Variants in CPNE5 observed in about 807,000 individuals in gnomAD.
CPNE5 encodes copine-5.
CPNE5 carries 42 observed loss-of-function variants against 81.1 expected under a neutral mutation model. The ratio of observed to expected loss-of-function variants is 0.52; its 90% CI spans 0.40 to 0.67. The LOEUF (loss-of-function observed/expected upper bound fraction) is 0.67. Among genes scored for constraint, CPNE5 ranks in the 30% least tolerant of loss-of-function variants. CPNE5 has a pLI of 0.00. For missense variants in CPNE5, 612 were observed against 815.5 expected (o/e 0.75, Z 3.04); for synonymous variants, 313 against 321.5 (o/e 0.97, Z 0.28).
intron 12 of CPNE5, among the ~76,000 whole-genome samples, chr6:36,757,895 G>A (rs1444094248): frequency 1.3e-5 from 2 of 152,150 alleles, no homozygotes; most frequent in East Asian, 3.8e-4. Context: ...ACCACAGGGT[G>A]GAAGAGTAAG....
chr6:36,822,296 A>G (rs1472600366), intron 2 of CPNE5, 136 bp from the exon 3 acceptor site: 19 of 587,280 alleles, frequency 3.2e-5, no homozygotes, highest in Middle Eastern at 5.8e-4. Flanking sequence ...GGGTAGGGGT[A>G]GAGGGTGTCT....
chr6:36,743,072 C>T, intron 20 of CPNE5: 1 of 985,406 alleles, frequency 1.0e-6, no homozygotes, highest in Non-Finnish European at 1.2e-6. Flanking sequence ...TATGTTTGGT[C>T]TCCACACCTG....
Position 36,745,454 on chromosome 6 carries a change from C to A in CPNE5, c.1262G>T (p.Arg421Leu), listed in dbSNP as rs369823408. Residue 421 changes from arginine (R) to leucine (L), a missense_variant, in exon 17 of 21, where the codon CGC becomes CTC. Arg to Leu is a moderately radical substitution (Grantham distance 102, BLOSUM62 -2). Transcript: ENST00000244751. ...GTACAGCTGCACAGTGCGCAGGCTG[C>A]GGTGGTAGGCCTCCAGGATGCCGTC... ...GIDGILEAYH[R>L]SLRTVQLYGP... The A allele has an allele frequency of 1.2e-6, 2 of 1,603,198 alleles. No individual in the cohort carries two copies. The highest frequency in any genetic ancestry group is 1.7e-6 in the Non-Finnish European group (2 of 1,175,624).
intron 8 of CPNE5, among the ~76,000 whole-genome samples, chr6:36,780,258 T>C (rs1173134327): frequency 6.6e-6 from 1 of 152,184 alleles, no homozygotes; most frequent in South Asian, 2.1e-4. Context: ...CCACTGCACC[T>C]GGCCCCCCCT....
At chr6:36,830,808 T>C (rs2150614678) in intron 1 of CPNE5, among the ~76,000 whole-genome samples, 1 of 152,234 alleles carries the variant, frequency 6.6e-6, no homozygotes, top group Non-Finnish European at 1.5e-5. Flanking sequence ...AACAGAAACG[T>C]AGGAAGCACA....
chr6:36,743,615 A>T (rs550924376), intron 20 of CPNE5, 74 bp downstream of exon 20: 1 of 1,446,974 alleles, frequency 6.9e-7, no homozygotes, highest in East Asian at 2.3e-5. Context: ...GGAAGCCCCC[A>T]AAGGGGGTGT....
Position 36,742,497 on chromosome 6 carries a change from G to T in CPNE5, c.1564-11C>A. 1 of 1,606,648 alleles carries T rather than the reference G, an allele frequency of 6.2e-7. No homozygotes were observed. Among genetic ancestry groups the T allele is most frequent in the South Asian group, 1.1e-5 (1 of 91,000 alleles). ...CCGGAAGGGTACAAACTGGCAAGTG[G>T]GAGGGCAGGGTCAGGCAGTGCCTCC... On this transcript the variant is annotated splice_polypyrimidine_tract_variant and intron_variant, in intron 20 of 20. Transcript: ENST00000244751.
intron 14 of CPNE5, among the ~76,000 whole-genome samples, chr6:36,752,364 G>C (rs1764937425): frequency 6.6e-6 from 1 of 152,150 alleles, no homozygotes. Flanking sequence ...TCCCCCATCT[G>C]TCTGGGCCTA....
intron 3 of CPNE5, among the ~76,000 whole-genome samples, chr6:36,806,141 G>C (rs1770571283): frequency 6.6e-6 from 1 of 152,184 alleles, no homozygotes; most frequent in African/African-American, 2.4e-5. Context: ...CAGCCTGTAG[G>C]GGGCTCTTGG....
At chr6:36,838,093 T>C (rs1270263788) in intron 1 of CPNE5, among the ~76,000 whole-genome samples, 1 of 152,124 alleles carries the variant, frequency 6.6e-6, no homozygotes, top group Non-Finnish European at 1.5e-5. Context: ...TCCCCAAGTC[T>C]TCAAGAGAAA....
chr6:36,751,849 A>T (rs553450957), intron 14 of CPNE5, among the ~76,000 whole-genome samples: 15 of 152,004 alleles, frequency 9.9e-5, no homozygotes, highest in Admixed American at 8.5e-4. Flanking sequence ...AATAAACAGG[A>T]TGAGGGGTGT....
At chr6:36,774,920 A>G (rs1376877445) in intron 10 of CPNE5, 41 bp downstream of exon 10, 1 of 1,510,476 alleles carries the variant, frequency 6.6e-7, no homozygotes, top group Admixed American at 1.7e-5. Flanking sequence ...GGGAGGGCCC[A>G]GAAGCAGAAG....
At chr6:36,792,465 A>C in intron 7 of CPNE5, 1 of 1,214,700 alleles carries the variant, frequency 8.2e-7, no homozygotes, top group Non-Finnish European at 1.1e-6. Context: ...AAAAGACCTC[A>C]TGGGCTAGCC....
At chr6:36,830,847 C>T (rs894936898) in intron 1 of CPNE5, among the ~76,000 whole-genome samples, 5 of 152,130 alleles carry the variant, frequency 3.3e-5, no homozygotes, top group African/African-American at 1.2e-4. Flanking sequence ...CTTATTCCCC[C>T]TCCTGTCCCA....
intron 20 of CPNE5, 34 bp downstream of exon 20, chr6:36,743,655 A>G: frequency 6.2e-7 from 1 of 1,603,834 alleles, no homozygotes. Flanking sequence ...GGGCTCTTGA[A>G]TTTCCCATGG....
intron 10 of CPNE5, among the ~76,000 whole-genome samples, chr6:36,769,775 T>C (rs236425): frequency 0.84 from 127,477 of 152,166 alleles, 53,474 homozygotes; most frequent in Middle Eastern, 0.88. Context: ...AACGGTACGA[T>C]GCCCTTCATC....
intron 12 of CPNE5, among the ~76,000 whole-genome samples, chr6:36,760,052 C>CAAAA (rs773932389): frequency 8.1e-6 from 1 of 124,076 alleles, no homozygotes; most frequent in Non-Finnish European, 1.7e-5. Context: ...ACCAAAAATG[C>CAAAA]AAAAAAAAAA....
chr6:36,838,811 G>A, intron 1 of CPNE5: 2 of 942,824 alleles, frequency 2.1e-6, no homozygotes, highest in Non-Finnish European at 2.5e-6. Context: ...GGAGACTGGT[G>A]AGGGGAGGAT....
At chr6:36,793,372 A>G (rs141344935) in intron 7 of CPNE5, among the ~76,000 whole-genome samples, 77 of 152,214 alleles carry the variant, frequency 5.1e-4, no homozygotes, top group African/African-American at 1.3e-3. Flanking sequence ...GTCCCCCTAG[A>G]CTTGGGCAGC....
Sources: gnomAD v4.1 joint callset for allele counts (sites outside exome capture counted in the v4.1 genomes callset) on GRCh38, gnomAD v4.1.1 for gene constraint, MANE v1.5 for transcripts, NCBI Gene and HGNC (gene_info 2026-07-23, HGNC 2026-07-21) for gene names.